Variants in PDE8B observed in about 807,000 individuals in gnomAD.
The protein encoded by PDE8B is phosphodiesterase 8B, also known as high affinity cAMP-specific and IBMX-insensitive 3',5'-cyclic phosphodiesterase 8B.
A neutral mutation model predicts 101.3 loss-of-function variants in PDE8B; 26 were observed. That is an observed-to-expected ratio of 0.26 (90% CI 0.19 to 0.36). The LOEUF (loss-of-function observed/expected upper bound fraction) is 0.36. Among genes scored for constraint, PDE8B ranks in the 10% least tolerant of loss-of-function variants. The probability of loss-of-function intolerance (pLI) is 1.00; values close to 1 mark genes in which losing one functional copy is unlikely to be tolerated. For synonymous variants in PDE8B, 424 were observed against 429.3 expected (o/e 0.99, Z 0.15); for missense variants, 810 against 1,163.1 (o/e 0.70, Z 4.42).
intron 10 of PDE8B, among the ~76,000 whole-genome samples, chr5:77,387,044 C>A (rs548663499): frequency 1.3e-5 from 2 of 149,926 alleles, no homozygotes. Context: ...CCACCGCGCC[C>A]GGCTAATTTT....
the PDE8B span, chr5:77,098,661 A>G: frequency 2.0e-5 from 3 of 152,242 alleles, no homozygotes; most frequent in Non-Finnish European, 4.4e-5. Flanking sequence ...ACAGAACACC[A>G]GAGACTGGGT....
intron 1 of PDE8B, among the ~76,000 whole-genome samples, chr5:77,243,060 C>T (rs1756107147): frequency 1.3e-5 from 2 of 151,922 alleles, no homozygotes; most frequent in Non-Finnish European, 2.9e-5. Flanking sequence ...TCAACTATAC[C>T]ATGTTTATTC....
intron 1 of PDE8B, among the ~76,000 whole-genome samples, chr5:77,281,354 G>A (rs965044526): frequency 2.0e-5 from 3 of 152,154 alleles, no homozygotes; most frequent in East Asian, 1.9e-4. Flanking sequence ...ACAAATTGCC[G>A]CAAATTTAAT....
the PDE8B span, chr5:77,113,409 G>A: frequency 4.6e-5 from 7 of 152,216 alleles, no homozygotes; most frequent in Admixed American, 3.9e-4. Flanking sequence ...AACAAGCAAT[G>A]GGGAAAGGAT....
At chr5:77,171,276 C>T in the PDE8B span, among the ~76,000 whole-genome samples, 17 of 152,246 alleles carry the variant, frequency 1.1e-4, no homozygotes, top group African/African-American at 4.1e-4. Context: ...GGAAATGGCA[C>T]TTTGTCCTAT....
In PDE8B at chr5:77,292,533, C is replaced by G. The variant is rs573153886; in HGVS notation, c.340-19461C>G. 9.1e-4 allele frequency among the ~76,000 whole-genome samples: 139 copies of G among 152,332 alleles called. 1 individual carries two copies. Among genetic ancestry groups the G allele is most frequent in the African/African-American group, 3.3e-3 (136 of 41,572 alleles). ...ACTAATGGCCCCAGACCCTCATCAT[C>G]ACTGTGAAATTCACTGTAAAATCTT... On this transcript the variant is annotated intron_variant, in intron 1 of 21. Coordinates refer to ENST00000264917, the MANE Select transcript of PDE8B (RefSeq NM_003719.5).
intron 10 of PDE8B, among the ~76,000 whole-genome samples, chr5:77,398,802 T>A (rs2150988786): frequency 6.6e-6 from 1 of 152,332 alleles, no homozygotes; most frequent in South Asian, 2.1e-4. Flanking sequence ...CACAATCATC[T>A]GAAGTGTGAG....
chr5:77,310,034 C>T (rs1486971070), intron 1 of PDE8B, among the ~76,000 whole-genome samples: 2 of 132,530 alleles, frequency 1.5e-5, no homozygotes, highest in Admixed American at 1.8e-4. Flanking sequence ...ACTGCAACCT[C>T]TGCCTCCCAG....
At chr5:77,419,996 C>A in intron 19 of PDE8B, 109 bp downstream of exon 19, 1 of 1,309,376 alleles carries the variant, frequency 7.6e-7, no homozygotes, top group Non-Finnish European at 1.1e-6. Flanking sequence ...TGGTTATTTA[C>A]TTGGAGTTGA....
chr5:77,204,497 A>G, the PDE8B span, among the ~76,000 whole-genome samples: 1 of 152,128 alleles, frequency 6.6e-6, no homozygotes, highest in Admixed American at 6.5e-5. Flanking sequence ...CTAAATCTAG[A>G]TTTTCACACA....
Position 77,259,049 on chromosome 5 carries a change from G to GAT in PDE8B, c.339+47786_339+47787insTA, listed in dbSNP as rs1340708152. Among the ~76,000 whole-genome samples the GAT allele has an allele frequency of 4.4e-3, 340 of 76,716 alleles. 9 individuals are homozygous for GAT. The highest frequency in any genetic ancestry group is 0.016 in the African/African-American group (330 of 21,206). 50.3% of individuals were successfully genotyped at this position (76,716 alleles called of 152,430 possible). A position where few individuals can be genotyped will look rare whatever the true frequency, so the allele number is the denominator to read the frequency against. ...TGCCTCCAACACACACACACACACA[G>GAT]ACACACACACACACACACACCCCCG... On this transcript the variant is annotated intron_variant, in intron 1 of 21. Coordinates refer to ENST00000264917, the MANE Select transcript of PDE8B (RefSeq NM_003719.5).
chr5:77,177,571 T>C, the PDE8B span, among the ~76,000 whole-genome samples: 1 of 152,236 alleles, frequency 6.6e-6, no homozygotes, highest in Non-Finnish European at 1.5e-5. Flanking sequence ...AGAACTTTTA[T>C]CTTTTCACTT....
chr5:77,424,653 A>G (rs1179526932), intron 20 of PDE8B, among the ~76,000 whole-genome samples: 1 of 152,256 alleles, frequency 6.6e-6, no homozygotes, highest in Non-Finnish European at 1.5e-5. Flanking sequence ...CAAGACAACC[A>G]GCAGATTTTG....
At chr5:77,153,923 C>A in the PDE8B span, among the ~76,000 whole-genome samples, 1 of 152,170 alleles carries the variant, frequency 6.6e-6, no homozygotes, top group East Asian at 1.9e-4. Context: ...TAAGCTTGGC[C>A]TCTCTCTTTT....
the PDE8B span, chr5:77,180,486 G>T: frequency 3.0e-6 from 3 of 985,408 alleles, no homozygotes; most frequent in Non-Finnish European, 3.6e-6. Context: ...GCGCGTGCCA[G>T]GTGAGCCCCC....
chr5:77,152,142 A>C, the PDE8B span: 3 of 152,150 alleles, frequency 2.0e-5, no homozygotes, highest in Non-Finnish European at 4.4e-5. Context: ...CTCAATGGAT[A>C]TTTATCAAAT....
chr5:77,228,360 G>A (rs999154052), intron 1 of PDE8B, among the ~76,000 whole-genome samples: 4 of 152,298 alleles, frequency 2.6e-5, no homozygotes, highest in South Asian at 4.1e-4. Context: ...ATTGGGGGCT[G>A]TGTTGGAACC....
intron 1 of PDE8B, among the ~76,000 whole-genome samples, chr5:77,244,843 G>A (rs1410825136): frequency 1.3e-5 from 2 of 152,186 alleles, no homozygotes; most frequent in East Asian, 3.9e-4. Flanking sequence ...TGACCACTAA[G>A]CTAGTCACCC....
intron 1 of PDE8B, among the ~76,000 whole-genome samples, chr5:77,272,860 A>C (rs1378205418): frequency 6.6e-6 from 1 of 152,192 alleles, no homozygotes; most frequent in Non-Finnish European, 1.5e-5. Context: ...GTGAGAAGGC[A>C]AGAGAGAGGC....
Sources: gnomAD v4.1 joint callset for allele counts (sites outside exome capture counted in the v4.1 genomes callset) on GRCh38, gnomAD v4.1.1 for gene constraint, MANE v1.5 for transcripts, NCBI Gene and HGNC (gene_info 2026-07-23, HGNC 2026-07-21) for gene names.